CEL: variants seen among roughly 807,000 people sequenced by gnomAD.
CEL encodes the protein bile salt-activated lipase.
In CEL, 39 loss-of-function variants were observed where a neutral mutation model predicts 57.1. The ratio of observed to expected loss-of-function variants is 0.68; its 90% CI spans 0.53 to 0.89. CEL has a LOEUF of 0.89. Among genes scored for constraint, CEL ranks in the 40% least tolerant of loss-of-function variants. The pLI is 0.00. For synonymous variants in CEL, 314 were observed against 396.6 expected, an observed-to-expected ratio of 0.79 and a Z score of 2.48; for missense variants, 698 against 915.0, an observed-to-expected ratio of 0.76 and a Z score of 3.06.
At chr9:133,064,371 G>A (rs1564210304) in intron 1 of CEL, 33 bp from the exon 2 acceptor site, 2 of 1,611,894 alleles carry the variant, frequency 1.2e-6, no homozygotes, top group Admixed American at 1.7e-5. Flanking sequence ...TGGGGCTTGA[G>A]CCCCCCTGAC....
In CEL at chr9:133,066,621, C is replaced by T. The variant is rs529444912; in HGVS notation, c.630C>T (p.Leu210=). The T allele has an allele frequency of 5.5e-5, 88 of 1,613,818 alleles. No individual in the cohort carries two copies. Among genetic ancestry groups the T allele is most frequent in the Middle Eastern group, 5.0e-4 (3 of 6,060 alleles). The change falls in exon 5 of 11, where the codon CTC becomes CTT. Residue 210 remains leucine, a synonymous_variant. Transcript: ENST00000372080. This position sits in a 1 kb window ranked among gnomAD's most constrained non-coding sequence, Gnocchi z 4.3. ...GGGGGGACCCCAACAACATCACGCT[C>T]TTCGGGGAGTCTGCTGGAGGTGCCA... The part of the protein sequence containing the change: ...AFGGDPNNIT[L]FGESAGGASV...
At position 133,066,694 on chromosome 9, in the gene CEL, C is replaced by T. The variant is rs747265135; in HGVS notation, c.669+34C>T. The T allele has an allele frequency of 2.5e-6, 4 of 1,609,876 alleles. No homozygotes were observed. Among genetic ancestry groups the T allele is most frequent in the Admixed American group, 1.7e-5 (1 of 59,880 alleles). ...ATCCCTGTGGGGAGGGCCTGCCCCA[C>T]AGGTTGAGAGGAAGCTCAAACGGGA... On this transcript the variant is annotated intron_variant, in intron 5 of 10. Coordinates refer to ENST00000372080, the MANE Select transcript of CEL (RefSeq NM_001807.6). This position sits in a 1 kb window ranked among gnomAD's most constrained non-coding sequence, Gnocchi z 4.3.
intron 7 of CEL, 145 bp from the exon 8 acceptor site, chr9:133,068,527 T>C: frequency 1.3e-6 from 1 of 782,188 alleles, no homozygotes; most frequent in Non-Finnish European, 2.0e-6. Context: ...AGGATGCCCC[T>C]GATGGTGCAG....
chr9:133,071,211 C>A lies in CEL; in HGVS notation c.1709C>A (p.Pro570His). 6.2e-7 allele frequency: 1 copy of A among 1,601,706 alleles called. No homozygotes were observed. Among genetic ancestry groups the A allele is most frequent in the Non-Finnish European group, 8.5e-7 (1 of 1,177,846 alleles). ...VPPTGDSEAT[P>H]VPPTGDSETA... ...CCCACAGGGGACTCCGAGGCCACTC[C>A]CGTGCCCCCCACGGGTGACTCCGAG... The change falls in exon 11 of 11, where the codon CCC (proline) becomes CAC (histidine). Residue 570 changes from proline to histidine, a missense_variant. Transcript: ENST00000372080.
intron 4 of CEL, among the ~76,000 whole-genome samples, chr9:133,065,515 A>T (rs1344994100): frequency 1.3e-5 from 2 of 152,028 alleles, no homozygotes; most frequent in Admixed American, 6.5e-5. Context: ...ACCAGCCTGA[A>T]AATCACTGGG....
At position 133,067,092 on chromosome 9, in the gene CEL, C is replaced by T; in HGVS notation, c.782C>T (p.Ala261Val). 5 of 1,614,122 alleles carry T rather than the reference C, an allele frequency of 3.1e-6. No homozygotes were observed. The highest frequency in any genetic ancestry group is 3.4e-6 in the Non-Finnish European group (4 of 1,179,980). Residue 261 changes from alanine (A) to valine (V), a missense_variant, in exon 7 of 11, where the codon GCT becomes GTT. By Grantham distance (64) the Ala-to-Val change is moderately conservative. This residue lies in a region of CEL where 327 missense variants were observed against 374.1 expected (regional missense o/e 0.87). Coordinates refer to ENST00000372080, the MANE Select transcript of CEL (RefSeq NM_001807.6). ...KNPLFWAKKVAEKVGCPVGDA... is the reference protein window; with the variant it reads ...KNPLFWAKKVVEKVGCPVGDA... ...TGGCCTTGGTTCTGCCCCCAGGTGG[C>T]TGAGAAGGTGGGTTGCCCTGTGGGT...
In CEL at chr9:133,067,481, C is replaced by A. The variant is rs147546738; in HGVS notation, c.895+276C>A. Among the ~76,000 whole-genome samples, 568 of 152,216 alleles carry A rather than the reference C, an allele frequency of 3.7e-3. 5 individuals are homozygous for A. Among genetic ancestry groups the A allele is most frequent in the African/African-American group, 0.013 (522 of 41,526 alleles). On this transcript the variant is annotated intron_variant, in intron 7 of 10. Coordinates refer to ENST00000372080, the MANE Select transcript of CEL (RefSeq NM_001807.6). The stretch of plus-strand genomic sequence containing the variant: ...CTCCACCTCCTGGGTTCAAGTGATT[C>A]TCTGACTCAACCTCCCATGTAGCTG...
rs368102860 is a variant in CEL at position 133,069,023 on chromosome 9, G to C, written c.1083-33G>C. On this transcript the variant is annotated intron_variant, in intron 8 of 10. Coordinates refer to ENST00000372080, the MANE Select transcript of CEL (RefSeq NM_001807.6). ...ATGCACACACCTTCCTGTTGGCACA[G>C]GCTGAGTGTCAGTGCCTACTTGATT... 9,678 of 1,607,166 alleles carry C rather than the reference G, an allele frequency of 6.0e-3. 159 individuals are homozygous for C. Among genetic ancestry groups the C allele is most frequent in the South Asian group, 0.042 (3,788 of 90,644 alleles).
At position 133,066,400 on chromosome 9, in the gene CEL, G is replaced by T. The variant is rs570022219; in HGVS notation, c.539-130G>T. The T allele has an allele frequency of 3.2e-4, 375 of 1,168,364 alleles. 5 individuals carry two copies. The South Asian group carries it at 4.5e-3, about 14-fold the overall frequency. The allele number at this position is 1,168,364 out of a possible 1,614,324, so 72.4% of individuals were successfully genotyped here. On this transcript the variant is annotated intron_variant, in intron 4 of 10. Coordinates refer to ENST00000372080, the MANE Select transcript of CEL (RefSeq NM_001807.6). This position sits in a 1 kb window ranked among gnomAD's most constrained non-coding sequence, Gnocchi z 4.3. ...CCAGCTTCTTAGGGACCCACCATTT[G>T]CCAACTGGGGCTCTGCCATGGCCCC...
In CEL at chr9:133,071,337, C is replaced by G. The variant is rs1329061274; in HGVS notation, c.1835C>G (p.Ala612Gly). 1.0e-3 allele frequency: 339 copies of G among 331,946 alleles called. 5 individuals carry two copies. The highest frequency in any genetic ancestry group is 1.5e-3 in the Non-Finnish European group (289 of 192,864). The allele number at this position is 331,946 out of a possible 1,614,324, so 20.6% of individuals were successfully genotyped here. Residue 612 changes from alanine to glycine, a missense_variant, in exon 11 of 11, where the codon GCC becomes GGC. Transcript: ENST00000372080. ...GTGCCGCCCACGGGTGACTCCGGGG[C>G]CCCCCCCGTGCCGCCCACGGGTGAC... The part of the protein sequence containing the change: ...PPVPPTGDSG[A>G]PPVPPTGDSG...
At chr9:133,067,730 A>C (rs1419796647) in intron 7 of CEL, among the ~76,000 whole-genome samples, 1 of 152,058 alleles carries the variant, frequency 6.6e-6, no homozygotes, top group Non-Finnish European at 1.5e-5. Flanking sequence ...GCTGATGAAC[A>C]TTTGGGGCCC....
At chr9:133,070,717 G>C in intron 10 of CEL, 59 bp downstream of exon 10, 2 of 1,610,040 alleles carry the variant, frequency 1.2e-6, no homozygotes, top group South Asian at 1.1e-5. Context: ...CTCCCACCAC[G>C]AGGCCTTGTT....
rs571027865 is a variant in CEL, at chr9:133,070,914, C to T, written c.1485-73C>T. 30 of 1,550,546 alleles carry T rather than the reference C, an allele frequency of 1.9e-5. No homozygotes were observed. In the Admixed American group the frequency reaches 3.3e-4, roughly 17 times the overall value. ...GCTCAGAGGGCGGGGATGGCTCAGG[C>T]GTGCAGGTGGAGAGCAGGGCTTCAG... On this transcript the variant is annotated intron_variant, in intron 10 of 10. Transcript: ENST00000372080.
At position 133,064,256 on chromosome 9, in the gene CEL, G is replaced by C. The variant is rs1262279223; in HGVS notation, c.67-148G>C. On this transcript the variant is annotated intron_variant, in intron 1 of 10. Transcript: ENST00000372080. Reference sequence around the variant, plus strand: ...TAAAGCCCTGAGCATTGCAGGGCAGGGGGTGCTGCCTGGGTCTCCTGTGCA... The same window carrying C: ...TAAAGCCCTGAGCATTGCAGGGCAGCGGGTGCTGCCTGGGTCTCCTGTGCA... 1.2e-5 allele frequency: 12 copies of C among 974,954 alleles called. No homozygotes were observed. In the Admixed American group the frequency reaches 1.6e-4, roughly 13 times the overall value. The allele number at this position is 974,954 out of a possible 1,614,324, so 60.4% of individuals were successfully genotyped here.
chr9:133,062,769 C>T (rs1830110970), intron 1 of CEL, among the ~76,000 whole-genome samples: 1 of 151,394 alleles, frequency 6.6e-6, no homozygotes, highest in Admixed American at 6.6e-5. Flanking sequence ...GTGTGGAGAG[C>T]AGGCAGACGG....
Position 133,070,557 on chromosome 9 carries a change from C to G in CEL, c.1383C>G (p.Tyr461Ter), listed in dbSNP as rs376072014. ...VGADHADDIQ[Y>*]VFGKPFATPT... The stretch of plus-strand genomic sequence containing the variant: ...CCGACCATGCAGATGACATTCAGTA[C>G]GTTTTCGGGAAGCCCTTCGCCACCC... The change falls in exon 10 of 11, where the codon TAC (tyrosine) becomes TAG (stop). Residue 461 changes from tyrosine (Y) to a stop codon, truncating the protein, a stop_gained. Transcript: ENST00000372080. LOFTEE classifies it high-confidence loss of function. The G allele has an allele frequency of 6.2e-7, 1 of 1,613,994 alleles. No individual in the cohort carries two copies. The highest frequency in any genetic ancestry group is 8.5e-7 in the Non-Finnish European group (1 of 1,180,030).
At position 133,066,456 on chromosome 9, in the gene CEL, A is replaced by T; in HGVS notation, c.539-74A>T. ...TGTTGAGGGCATTTCCACCCCACCTATGCTGATCTCCCCTCCTGGAGGCCA... is the reference window on the plus strand; with the variant it reads ...TGTTGAGGGCATTTCCACCCCACCTTTGCTGATCTCCCCTCCTGGAGGCCA... On this transcript the variant is annotated intron_variant, in intron 4 of 10. Coordinates refer to ENST00000372080, the MANE Select transcript of CEL (RefSeq NM_001807.6). The surrounding 1 kb of genome is among the most constrained non-coding windows in gnomAD (Gnocchi z 4.3). 6.3e-7 allele frequency: 1 copy of T among 1,589,850 alleles called. No homozygotes were observed. Among genetic ancestry groups the T allele is most frequent in the East Asian group, 2.2e-5 (1 of 44,730 alleles).
intron 1 of CEL, among the ~76,000 whole-genome samples, chr9:133,062,971 AACCCCAAG>A (rs1830113689): frequency 6.6e-6 from 1 of 151,666 alleles, no homozygotes; most frequent in Non-Finnish European, 1.5e-5. Context: ...AAGCCACAGA[AACCCCAAG>A]CCCCACAGGA....
chr9:133,065,037 C>CA lies in CEL; in HGVS notation c.341-2dup. The CA allele has an allele frequency of 6.2e-7, 1 of 1,612,936 alleles. No individual in the cohort carries two copies. The highest frequency in any genetic ancestry group is 1.3e-5 in the African/African-American group (1 of 75,048). On this transcript the variant is annotated splice_polypyrimidine_tract_variant and splice_region_variant and intron_variant, in intron 3 of 10. Transcript: ENST00000372080. Reference sequence around the variant, plus strand: ...GGGGTCACCAGCCGCTCCCCCATCTCAGTCTCCCGGGACCTGCCCGTTATG... The same window carrying CA: ...GGGGTCACCAGCCGCTCCCCCATCTCAAGTCTCCCGGGACCTGCCCGTTATG...
Sources: gnomAD v4.1 joint callset for allele counts (sites outside exome capture counted in the v4.1 genomes callset) on GRCh38, gnomAD v4.1.1 for gene constraint, gnomAD v4.1.1 regional missense constraint, Gnocchi (gnomAD v3.1) non-coding constraint, MANE v1.5 for transcripts, NCBI Gene and HGNC (gene_info 2026-07-23, HGNC 2026-07-21) for gene names.